The following OSBP2 variants were observed in gnomAD, a reference collection of about 807,000 sequenced individuals.
OSBP2 encodes the protein oxysterol binding protein 2.
OSBP2 carries 66 observed loss-of-function variants against 96.0 expected under a neutral mutation model. The observed-to-expected ratio is 0.69, with a 90% CI of 0.56 to 0.84. OSBP2 has a LOEUF of 0.84. Ranked by LOEUF, OSBP2 falls within the 40% of genes least tolerant of loss-of-function variation. The probability of loss-of-function intolerance (pLI) is 0.00; values close to 1 mark genes in which losing one functional copy is unlikely to be tolerated. For missense variants in OSBP2, 1,038 were observed against 1,222.7 expected (o/e 0.85, Z 2.25); for synonymous variants, 525 against 520.9 (o/e 1.01, Z -0.11).
intron 1 of OSBP2, among the ~76,000 whole-genome samples, chr22:30,708,554 T>C (rs1194823547): frequency 7.2e-6 from 1 of 139,222 alleles, no homozygotes; most frequent in Non-Finnish European, 1.5e-5. Flanking sequence ...AATGGCATGA[T>C]CTTGGCTCAC....
At position 30,851,041 on chromosome 22, in the gene OSBP2, T is replaced by C. The variant is rs1434376895; in HGVS notation, c.854-19388T>C. 3.3e-5 allele frequency among the ~76,000 whole-genome samples: 5 copies of C among 152,298 alleles called. No individual in the cohort carries two copies. The South Asian group carries it at 1.0e-3, about 32-fold the overall frequency. On this transcript the variant is annotated intron_variant, in intron 2 of 13. Coordinates refer to ENST00000332585, the MANE Select transcript of OSBP2 (RefSeq NM_030758.4). The stretch of plus-strand genomic sequence containing the variant: ...TTATTTGTATTTACTGTTTTTGATG[T>C]CATTTTAAATGGTACTATTTTTATT...
At chr22:30,727,905 G>T (rs1244827893) in intron 1 of OSBP2, among the ~76,000 whole-genome samples, 2 of 151,712 alleles carry the variant, frequency 1.3e-5, no homozygotes, top group Non-Finnish European at 2.9e-5. Flanking sequence ...AAGAGATCAA[G>T]ACCATCCTGG....
At chr22:30,852,726 ATTAACT>A in intron 2 of OSBP2, among the ~76,000 whole-genome samples, 1 of 152,250 alleles carries the variant, frequency 6.6e-6, no homozygotes, top group South Asian at 2.1e-4. Context: ...GGCTTGGATT[ATTAACT>A]TTAAATCTTT....
chr22:30,811,170 C>CA (rs1343288423), intron 2 of OSBP2, among the ~76,000 whole-genome samples: 1 of 148,012 alleles, frequency 6.8e-6, no homozygotes, highest in Admixed American at 6.8e-5. Flanking sequence ...CACAACCCCC[C>CA]CCCCACACAT....
chr22:30,785,538 G>GA, intron 2 of OSBP2, among the ~76,000 whole-genome samples: 1 of 147,872 alleles, frequency 6.8e-6, no homozygotes, highest in Non-Finnish European at 1.5e-5. Flanking sequence ...TTGCACTCCA[G>GA]TGTGGGTGAC....
chr22:30,874,633 T>C (rs1481576544), intron 3 of OSBP2, among the ~76,000 whole-genome samples: 3 of 152,158 alleles, frequency 2.0e-5, no homozygotes. Context: ...GCAGCCATCC[T>C]CACCTCATAT....
At chr22:30,765,475 C>T (rs2090258987) in intron 2 of OSBP2, among the ~76,000 whole-genome samples, 1 of 152,132 alleles carries the variant, frequency 6.6e-6, no homozygotes. Flanking sequence ...TCCCAAACTG[C>T]TAGAATTACA....
intron 4 of OSBP2, 126 bp from the exon 5 acceptor site, chr22:30,888,097 C>T: frequency 1.4e-6 from 1 of 702,258 alleles, no homozygotes; most frequent in Non-Finnish European, 2.6e-6. Flanking sequence ...CAGGGCTGCC[C>T]AGGTGACTGA....
At chr22:30,842,484 A>G (rs530903839) in intron 2 of OSBP2, among the ~76,000 whole-genome samples, 76 of 152,250 alleles carry the variant, frequency 5.0e-4, no homozygotes, top group Non-Finnish European at 1.0e-3. Context: ...GAAGTTTGCC[A>G]CATCAGTCAA....
At chr22:30,710,529 A>G (rs1274983215) in intron 1 of OSBP2, among the ~76,000 whole-genome samples, 1 of 151,880 alleles carries the variant, frequency 6.6e-6, no homozygotes, top group East Asian at 1.9e-4. Flanking sequence ...AGGACCCCTG[A>G]TAGAATTAGT....
chr22:30,858,751 T>C (rs1222516671), intron 2 of OSBP2, among the ~76,000 whole-genome samples: 7 of 151,354 alleles, frequency 4.6e-5, no homozygotes, highest in Admixed American at 3.3e-4. Context: ...TGGTGGTGGA[T>C]GCTTGTAATC....
intron 2 of OSBP2, among the ~76,000 whole-genome samples, chr22:30,831,221 C>T (rs1259275882): frequency 6.6e-6 from 1 of 152,216 alleles, no homozygotes; most frequent in Non-Finnish European, 1.5e-5. Flanking sequence ...CTGTAAGCTT[C>T]CCTACATTAG....
chr22:30,794,951 C>T (rs2090736432), intron 2 of OSBP2, among the ~76,000 whole-genome samples: 1 of 148,938 alleles, frequency 6.7e-6, no homozygotes. Flanking sequence ...CGCTCTGTCA[C>T]CCAGGCTGGA....
chr22:30,896,056 G>A (rs1338496648), intron 12 of OSBP2, among the ~76,000 whole-genome samples: 5 of 151,548 alleles, frequency 3.3e-5, no homozygotes, highest in Non-Finnish European at 5.9e-5. Context: ...GTCTCACTCT[G>A]TCGCCCAGGC....
At chr22:30,782,330 C>T (rs1183717048) in intron 2 of OSBP2, among the ~76,000 whole-genome samples, 1 of 152,144 alleles carries the variant, frequency 6.6e-6, no homozygotes, top group Non-Finnish European at 1.5e-5. Flanking sequence ...TGCAGACAAC[C>T]ACTAATCTAC....
intron 1 of OSBP2, among the ~76,000 whole-genome samples, chr22:30,726,094 T>G (rs531232851): frequency 6.6e-6 from 1 of 152,176 alleles, no homozygotes. Context: ...ATGTTCATGA[T>G]AGGCTCCCAT....
intron 1 of OSBP2, among the ~76,000 whole-genome samples, chr22:30,698,704 C>T (rs947665812): frequency 3.9e-5 from 6 of 152,104 alleles, no homozygotes; most frequent in Non-Finnish European, 5.9e-5. Context: ...TCCCAAAGTG[C>T]TGGGATTACA....
intron 1 of OSBP2, among the ~76,000 whole-genome samples, chr22:30,719,621 G>T (rs905129209): frequency 1.3e-5 from 2 of 151,696 alleles, no homozygotes; most frequent in South Asian, 4.2e-4. Context: ...GGGAGTGGTG[G>T]CGCACCCCGG....
At chr22:30,778,137 G>C (rs1272439705) in intron 2 of OSBP2, among the ~76,000 whole-genome samples, 1 of 146,284 alleles carries the variant, frequency 6.8e-6, no homozygotes, top group Non-Finnish European at 1.5e-5. Flanking sequence ...TGGGACCACA[G>C]GCATGCACCA....
Sources: gnomAD v4.1 joint callset for allele counts (sites outside exome capture counted in the v4.1 genomes callset) on GRCh38, gnomAD v4.1.1 for gene constraint, MANE v1.5 for transcripts, NCBI Gene and HGNC (gene_info 2026-07-23, HGNC 2026-07-21) for gene names.